The following XKR4 variants were observed in gnomAD, a reference collection of about 807,000 sequenced individuals.
XKR4 encodes the protein XK related 4, also known as XK-related protein 4.
XKR4 carries 12 observed loss-of-function variants against 53.9 expected under a neutral mutation model. The observed-to-expected ratio is 0.22, with a 90% CI of 0.14 to 0.36. The LOEUF (loss-of-function observed/expected upper bound fraction) is 0.36. Among genes scored for constraint, XKR4 ranks in the 10% least tolerant of loss-of-function variants. The probability of loss-of-function intolerance (pLI) is 1.00; values close to 1 mark genes in which losing one functional copy is unlikely to be tolerated. For synonymous variants in XKR4, 354 were observed against 362.4 expected (o/e 0.98, Z 0.26); for missense variants, 799 against 859.5 (o/e 0.93, Z 0.88).
intron 1 of XKR4, among the ~76,000 whole-genome samples, chr8:55,212,205 T>C (rs1817740991): frequency 6.6e-6 from 1 of 151,732 alleles, no homozygotes; most frequent in Non-Finnish European, 1.5e-5. Flanking sequence ...TCAGAGGCAA[T>C]AGATTGTAAA....
At chr8:55,495,620 C>G (rs1281188102) in intron 2 of XKR4, among the ~76,000 whole-genome samples, 1 of 152,228 alleles carries the variant, frequency 6.6e-6, no homozygotes, top group Admixed American at 6.5e-5. Flanking sequence ...TCTCCTTCCC[C>G]CCCAGGCCCT....
At chr8:55,279,237 A>G (rs1818804290) in intron 1 of XKR4, among the ~76,000 whole-genome samples, 1 of 152,190 alleles carries the variant, frequency 6.6e-6, no homozygotes, top group Admixed American at 6.5e-5. Flanking sequence ...GTGAAGCTTG[A>G]AAAGTGTTAA....
At chr8:55,302,237 A>G (rs1181093565) in intron 1 of XKR4, among the ~76,000 whole-genome samples, 1 of 152,216 alleles carries the variant, frequency 6.6e-6, no homozygotes, top group Non-Finnish European at 1.5e-5. Flanking sequence ...TCCCAGCACC[A>G]TTTATTAAAT....
At chr8:55,350,208 A>C (rs1803706131) in intron 1 of XKR4, among the ~76,000 whole-genome samples, 1 of 152,236 alleles carries the variant, frequency 6.6e-6, no homozygotes, top group African/African-American at 2.4e-5. Context: ...CCTCATAGCT[A>C]ATCCTGAGTG....
intron 2 of XKR4, chr8:55,452,694 C>T (rs1027350936): frequency 6.4e-5 from 89 of 1,383,968 alleles, no homozygotes; most frequent in Admixed American, 5.9e-4. Flanking sequence ...GTCCACAAAG[C>T]GGTTGATGAA....
chr8:55,104,502 G>A (rs1251384530), intron 1 of XKR4, among the ~76,000 whole-genome samples: 1 of 152,154 alleles, frequency 6.6e-6, no homozygotes, highest in Non-Finnish European at 1.5e-5. Flanking sequence ...ATCACCTGTG[G>A]AAACAAGTTA....
intron 1 of XKR4, among the ~76,000 whole-genome samples, chr8:55,189,159 T>G (rs1817413662): frequency 6.6e-6 from 1 of 152,214 alleles, no homozygotes. Context: ...AGGGTGCCTG[T>G]TAAATTTATT....
chr8:55,260,416 T>G (rs1818506925), intron 1 of XKR4, among the ~76,000 whole-genome samples: 1 of 152,186 alleles, frequency 6.6e-6, no homozygotes, highest in African/African-American at 2.4e-5. Flanking sequence ...GAAAAGGCTA[T>G]TTAGTATTTC....
chr8:55,388,039 AT>A (rs1167871894), intron 2 of XKR4, among the ~76,000 whole-genome samples: 1 of 152,144 alleles, frequency 6.6e-6, no homozygotes, highest in Admixed American at 6.5e-5. Flanking sequence ...TTTAACAGTA[AT>A]TTTTTAAAAA....
chr8:55,487,199 G>A (rs1300260429), intron 2 of XKR4, among the ~76,000 whole-genome samples: 2 of 152,194 alleles, frequency 1.3e-5, no homozygotes, highest in African/African-American at 2.4e-5. Flanking sequence ...GACAGGTGGT[G>A]TAAGTCTTAG....
intron 1 of XKR4, among the ~76,000 whole-genome samples, chr8:55,312,704 T>C (rs1466717593): frequency 6.6e-6 from 1 of 152,268 alleles, no homozygotes; most frequent in Admixed American, 6.5e-5. Flanking sequence ...TCTCTTTTCA[T>C]GAATTTTATG....
chr8:55,358,737 C>T lies in XKR4; in HGVS notation c.1006+860C>T, dbSNP rs1415119777. Among the ~76,000 whole-genome samples, 4 of 152,310 alleles carry T rather than the reference C, an allele frequency of 2.6e-5. No individual in the cohort carries two copies. In the East Asian group the frequency reaches 5.8e-4, roughly 22 times the overall value. ...TAAATAGATGCTGTTACACAGTTAA[C>T]GTATTGTAAGGTGCTCGTTTTGTTT... On this transcript the variant is annotated intron_variant, in intron 2 of 2. Transcript: ENST00000327381.
chr8:55,454,325 G>C (rs1805517789), intron 2 of XKR4: 1 of 1,497,240 alleles, frequency 6.7e-7, no homozygotes, highest in Admixed American at 1.7e-5. Context: ...GAAGGGCGTG[G>C]GTGTGCTGAG....
intron 1 of XKR4, chr8:55,142,164 T>G (rs1330391517): frequency 4.4e-6 from 2 of 456,022 alleles, no homozygotes; most frequent in Middle Eastern, 6.5e-4. Context: ...GCCTCACTGC[T>G]GCTCTCCTGA....
intron 2 of XKR4, among the ~76,000 whole-genome samples, chr8:55,359,945 A>G (rs1245588704): frequency 1.3e-5 from 2 of 152,204 alleles, no homozygotes; most frequent in Non-Finnish European, 2.9e-5. Flanking sequence ...TAAGCTTGAC[A>G]CATATACGTC....
chr8:55,256,455 G>C (rs147203226), intron 1 of XKR4, among the ~76,000 whole-genome samples: 6 of 152,320 alleles, frequency 3.9e-5, no homozygotes, highest in Middle Eastern at 6.8e-3. Context: ...TGGAAACCAA[G>C]GCATTGAAGT....
At chr8:55,482,977 A>G (rs955482663) in intron 2 of XKR4, among the ~76,000 whole-genome samples, 2 of 152,192 alleles carry the variant, frequency 1.3e-5, no homozygotes, top group African/African-American at 4.8e-5. Context: ...CAAATGAATC[A>G]TTGTTAGCCC....
chr8:55,199,980 G>C (rs758261541), intron 1 of XKR4, among the ~76,000 whole-genome samples: 13 of 152,198 alleles, frequency 8.5e-5, no homozygotes, highest in Non-Finnish European at 1.9e-4. Context: ...CCTTGTAGCA[G>C]TTATAACCTC....
chr8:55,456,303 T>C (rs2975977), intron 2 of XKR4, among the ~76,000 whole-genome samples: 61,721 of 151,952 alleles, frequency 0.41, 13,247 homozygotes, highest in East Asian at 0.53. Flanking sequence ...TGGTGGCATG[T>C]GCTTGTCATC....
Sources: allele counts gnomAD v4.1 joint callset (sites outside exome capture counted in the v4.1 genomes callset), GRCh38; gene constraint gnomAD v4.1.1; transcripts MANE v1.5; gene names NCBI Gene and HGNC (gene_info 2026-07-23, HGNC 2026-07-21).